Variants in GNL3L observed in about 807,000 individuals in gnomAD.
The protein encoded by GNL3L is G protein nucleolar 3 like.
A neutral mutation model predicts 42.9 loss-of-function variants in GNL3L; 4 were observed. The ratio of observed to expected loss-of-function variants is 0.09; its 90% CI spans 0.05 to 0.21. The LOEUF (loss-of-function observed/expected upper bound fraction) is 0.21. Ranked by LOEUF, GNL3L falls within the 10% of genes least tolerant of loss-of-function variation. The probability of loss-of-function intolerance (pLI) is 1.00; values close to 1 mark genes in which losing one functional copy is unlikely to be tolerated. For synonymous variants in GNL3L, 159 were observed against 176.3 expected (o/e 0.90, Z 0.78); for missense variants, 412 against 481.7 (o/e 0.86, Z 1.36).
intron 16 of GNL3L, among the ~76,000 whole-genome samples, chrX:54,583,490 G>A (rs945783794): frequency 3.8e-4 from 42 of 109,665 alleles, no homozygotes; most frequent in African/African-American, 1.2e-3. Flanking sequence ...CACTGCACCC[G>A]GCCATTGATT....
chrX:54,572,991 G>A (rs1362222205), intron 16 of GNL3L, among the ~76,000 whole-genome samples: 6 of 108,926 alleles, frequency 5.5e-5, no homozygotes, highest in South Asian at 4.1e-4. Context: ...ATGTGATGGC[G>A]GCCGGGAAGA....
chrX:54,534,024 G>A (rs1924346574), intron 2 of GNL3L, among the ~76,000 whole-genome samples: 2 of 101,237 alleles, frequency 2.0e-5, no homozygotes, highest in Admixed American at 2.0e-4. Context: ...ACTGAAAGCA[G>A]GCATTTGCCA....
chrX:54,540,158 A>G lies in GNL3L; in HGVS notation c.105A>G (p.Lys35=), dbSNP rs1237373580. Residue 35 remains lysine, a synonymous_variant, in exon 4 of 16, where the codon AAA becomes AAG. Transcript: ENST00000360845. ...AGCCTGCAAAGCAAAATGGGAAGAA[A>G]GCAACCTCCAAAGTGCCCTCTGCAC... is the stretch of plus-strand genomic sequence containing the variant. ...YPQPAKQNGK[K]ATSKVPSAPH... 12 of 1,205,406 alleles carry G rather than the reference A, an allele frequency of 1.0e-5. No homozygotes were observed. Among genetic ancestry groups the G allele is most frequent in the Non-Finnish European group, 1.3e-5 (12 of 891,369 alleles).
the GNL3L span, among the ~76,000 whole-genome samples, chrX:54,637,634 A>G: frequency 8.9e-6 from 1 of 112,503 alleles, no homozygotes; most frequent in African/African-American, 3.2e-5. Context: ...TGTATATTTG[A>G]TTTAAAGGCC....
intron 2 of GNL3L, among the ~76,000 whole-genome samples, chrX:54,535,338 C>T (rs1259729849): frequency 1.8e-5 from 2 of 110,809 alleles, no homozygotes; most frequent in African/African-American, 3.3e-5. Flanking sequence ...AGGCTGGTCT[C>T]GAACTCCTGA....
At chrX:54,538,106 G>A (rs762567974) in intron 2 of GNL3L, among the ~76,000 whole-genome samples, 3 of 110,617 alleles carry the variant, frequency 2.7e-5, no homozygotes, top group Non-Finnish European at 5.7e-5. Flanking sequence ...CAGGAGAATC[G>A]CTTGAACCCG....
In GNL3L at chrX:54,561,219, ACT is replaced by A. The variant is rs1165883172; in HGVS notation, c.*620_*621del. The A allele has an allele frequency of 3.6e-5, 4 of 112,118 alleles. No homozygotes were observed. Among genetic ancestry groups the A allele is most frequent in the African/African-American group, 9.8e-5 (3 of 30,760 alleles). 9.2% of individuals were successfully genotyped at this position (112,118 alleles called of 1,213,427 possible). ...CACCTGTTGAGGGCTGACCTACAAA[ACT>A]CTGCCTACAAAACTCTCTTAGACAG... On this transcript the variant is annotated 3_prime_UTR_variant, in exon 16 of 16. Transcript: ENST00000360845.
chrX:54,637,607 T>C, the GNL3L span, among the ~76,000 whole-genome samples: 1 of 112,321 alleles, frequency 8.9e-6, no homozygotes. Context: ...AAAATGAAGA[T>C]AAAAAGGACA....
At chrX:54,542,009 A>G (rs1293612066) in intron 5 of GNL3L, among the ~76,000 whole-genome samples, 2 of 111,460 alleles carry the variant, frequency 1.8e-5, no homozygotes, top group Admixed American at 9.6e-5. Flanking sequence ...CACATGAACC[A>G]TGGGGTTCTG....
chrX:54,541,758 A>T (rs748984280), intron 5 of GNL3L, among the ~76,000 whole-genome samples: 2 of 110,677 alleles, frequency 1.8e-5, no homozygotes, highest in Non-Finnish European at 3.8e-5. Flanking sequence ...ATGTGAGGGG[A>T]TGTTGTCTTC....
At chrX:54,605,730 T>C (rs372714435) in intron 16 of GNL3L, among the ~76,000 whole-genome samples, 1 of 111,465 alleles carries the variant, frequency 9.0e-6, no homozygotes, top group East Asian at 2.8e-4. Flanking sequence ...CCCCTCAATG[T>C]GCTATTCCTT....
intron 16 of GNL3L, among the ~76,000 whole-genome samples, chrX:54,604,490 A>G (rs1305507782): frequency 1.8e-5 from 2 of 110,945 alleles, no homozygotes; most frequent in Non-Finnish European, 3.8e-5. Context: ...GACCTAAAAG[A>G]TAAAAGATTC....
intron 12 of GNL3L, 44 bp from the exon 13 acceptor site, chrX:54,552,248 C>T (rs780672795): frequency 8.5e-7 from 1 of 1,180,308 alleles, no homozygotes; most frequent in East Asian, 3.0e-5. Context: ...GTCATTGGTT[C>T]TCTCAGTGAC....
chrX:54,542,788 T>C (rs1457551109), intron 5 of GNL3L, among the ~76,000 whole-genome samples, 167 bp from the exon 6 acceptor site: 2 of 111,664 alleles, frequency 1.8e-5, no homozygotes, highest in African/African-American at 6.5e-5. Flanking sequence ...ATGATCGCCA[T>C]TCTAACTGGT....
the GNL3L span, among the ~76,000 whole-genome samples, chrX:54,626,657 C>G: frequency 9.0e-6 from 1 of 111,624 alleles, no homozygotes; most frequent in Non-Finnish European, 1.9e-5. Context: ...GTGTTCCCCT[C>G]TCTCCATGTC....
intron 16 of GNL3L, among the ~76,000 whole-genome samples, chrX:54,580,287 T>C (rs1199059975): frequency 9.3e-6 from 1 of 107,220 alleles, no homozygotes; most frequent in Non-Finnish European, 1.9e-5. Flanking sequence ...CTGAGAATGA[T>C]GATTTCCAGT....
the GNL3L span, among the ~76,000 whole-genome samples, chrX:54,637,439 ATACACACATATACACACATGTG>A: frequency 9.0e-6 from 1 of 111,532 alleles, no homozygotes; most frequent in African/African-American, 3.3e-5. Context: ...GTTTGTATGT[ATACACACATATACACACATGTG>A]TGCACACATG....
chrX:54,590,763 GTATTTATT>G (rs781249670), intron 16 of GNL3L, among the ~76,000 whole-genome samples: 4 of 110,536 alleles, frequency 3.6e-5, no homozygotes, highest in Non-Finnish European at 7.6e-5. Context: ...TTAGATTTAT[GTATTTATT>G]TATTTATTTA....
intron 9 of GNL3L, among the ~76,000 whole-genome samples, chrX:54,549,024 A>G (rs1924853683): frequency 9.0e-6 from 1 of 111,578 alleles, no homozygotes; most frequent in Non-Finnish European, 1.9e-5. Flanking sequence ...CAGAAACACC[A>G]AAAGGGACAT....
Sources: gnomAD v4.1 joint callset for allele counts (sites outside exome capture counted in the v4.1 genomes callset) on GRCh38, gnomAD v4.1.1 for gene constraint, MANE v1.5 for transcripts, NCBI Gene and HGNC (gene_info 2026-07-23, HGNC 2026-07-21) for gene names.